NOC3L: variants seen among roughly 807,000 people sequenced by gnomAD.
NOC3L encodes NOC3 like DNA replication regulator, also known as nucleolar complex protein 3 homolog.
Under a neutral mutation model 102.5 loss-of-function variants are expected in NOC3L, and 85 were observed. That is an observed-to-expected ratio of 0.83 (90% CI 0.70 to 0.99). NOC3L has a LOEUF of 0.99. NOC3L is among the 50% of genes least tolerant of loss of function. The pLI is 0.00. For missense variants in NOC3L, 878 were observed against 914.9 expected, an observed-to-expected ratio of 0.96 and a Z score of 0.52; for synonymous variants, 303 against 309.4, an observed-to-expected ratio of 0.98 and a Z score of 0.22.
intron 5 of NOC3L, 30 bp from the exon 6 acceptor site, chr10:94,355,123 T>G: frequency 3.2e-6 from 5 of 1,578,094 alleles, no homozygotes; most frequent in Non-Finnish European, 4.3e-6. Flanking sequence ...CCCTTACATA[T>G]TCCTCTGCTT....
Position 94,362,938 on chromosome 10 carries a change from C to G in NOC3L, c.-100G>C, listed in dbSNP as rs566613102. On this transcript the variant is annotated 5_prime_UTR_variant, in exon 1 of 21. Transcript: ENST00000371361. ...CACACGTGCCGAAGTCCCTACACTA[C>G]CAGAGCCGGAAACGGCCTTCAGTCC... is the stretch of plus-strand genomic sequence containing the variant. 6 of 1,587,622 alleles carry G rather than the reference C, an allele frequency of 3.8e-6. No homozygotes were observed. Among genetic ancestry groups the G allele is most frequent in the Middle Eastern group, 1.7e-4 (1 of 5,990 alleles).
chr10:94,337,055 T>G (rs2133983580), intron 19 of NOC3L, among the ~76,000 whole-genome samples: 1 of 144,292 alleles, frequency 6.9e-6, no homozygotes, highest in African/African-American at 2.6e-5. Context: ...GACAACAGAG[T>G]GAGACTCCAT....
chr10:94,348,622 C>T (rs945840077), intron 10 of NOC3L, among the ~76,000 whole-genome samples: 1 of 151,928 alleles, frequency 6.6e-6, no homozygotes, highest in Non-Finnish European at 1.5e-5. Context: ...TATATATAAA[C>T]TTTTCACCTA....
At chr10:94,336,156 C>G (rs971364423) in intron 19 of NOC3L, among the ~76,000 whole-genome samples, 3 of 152,074 alleles carry the variant, frequency 2.0e-5, no homozygotes, top group African/African-American at 7.2e-5. Flanking sequence ...ATAGAAGAGG[C>G]TTCATGAAGT....
At chr10:94,353,362 G>A (rs545029325) in intron 6 of NOC3L, among the ~76,000 whole-genome samples, 5 of 152,320 alleles carry the variant, frequency 3.3e-5, no homozygotes, top group Admixed American at 2.6e-4. Context: ...CGGTGCCTGC[G>A]TCTACTCCTG....
intron 14 of NOC3L, among the ~76,000 whole-genome samples, chr10:94,341,117 G>A (rs923275324): frequency 6.6e-6 from 1 of 151,898 alleles, no homozygotes; most frequent in Admixed American, 6.6e-5. Flanking sequence ...AGGCTGCAGT[G>A]AGCTGTGATT....
At chr10:94,327,917 C>CAAAATGAAGAAA in the NOC3L span, 4 of 511,378 alleles carry the variant, frequency 7.8e-6, no homozygotes, top group Non-Finnish European at 1.6e-5. Context: ...GCAAGTGTTT[C>CAAAATGAAGAAA]TGTTTCTTCA....
intron 10 of NOC3L, among the ~76,000 whole-genome samples, chr10:94,347,010 A>T (rs1349439052): frequency 6.6e-6 from 1 of 152,196 alleles, no homozygotes; most frequent in Non-Finnish European, 1.5e-5. Context: ...GGACAAAAAT[A>T]AAAATTATTG....
Position 94,334,067 on chromosome 10 carries a change from C to A in NOC3L, c.*110G>T. ...ATTCTTCCTCTTCTTCCTAGACATT[C>A]TTAGGAAGCTTTCCTTGTATAAAAA... On this transcript the variant is annotated 3_prime_UTR_variant, in exon 21 of 21. Coordinates refer to ENST00000371361, the MANE Select transcript of NOC3L (RefSeq NM_022451.11). 1.6e-6 allele frequency: 1 copy of A among 620,322 alleles called. No homozygotes were observed. The highest frequency in any genetic ancestry group is 2.7e-5 in the Admixed American group (1 of 37,498). The allele number at this position is 620,322 out of a possible 1,614,324, so 38.4% of individuals were successfully genotyped here.
chr10:94,339,740 T>C lies in NOC3L; in HGVS notation c.1961A>G (p.His654Arg). 1 of 1,612,400 alleles carries C rather than the reference T, an allele frequency of 6.2e-7. No homozygotes were observed. Among genetic ancestry groups the C allele is most frequent in the Non-Finnish European group, 8.5e-7 (1 of 1,178,912 alleles). ...CTGTTCATTTGTATCACTACTTACA[T>C]GCATTAATATTCTGGTAGTTGCTAA... is the stretch of plus-strand genomic sequence containing the variant. ...GILATTRILMHTFPKTDLLLD... is the reference protein window; with the variant it reads ...GILATTRILMRTFPKTDLLLD... Residue 654 changes from histidine to arginine, a missense_variant and splice_region_variant, in exon 17 of 21, where the codon CAT (histidine) becomes CGT (arginine). Transcript: ENST00000371361.
chr10:94,340,219 T>C (rs2054266108), intron 16 of NOC3L, 57 bp downstream of exon 16: 2 of 1,416,696 alleles, frequency 1.4e-6, no homozygotes, highest in Non-Finnish European at 2.0e-6. Flanking sequence ...TGATGGGTCA[T>C]AACATATTCT....
Position 94,341,710 on chromosome 10 carries a change from T to C in NOC3L, c.1607A>G (p.Asp536Gly). 6.4e-7 allele frequency: 1 copy of C among 1,570,844 alleles called. No individual in the cohort carries two copies. Residue 536 changes from aspartate (D) to glycine (G), a missense_variant, in exon 14 of 21, where the codon GAT becomes GGT. Asp to Gly is a moderately conservative substitution (Grantham distance 94). Transcript: ENST00000371361. ...GAGAGTATGAAGAACTACTAACAGA[T>C]CATCAAAAAATTCCACATTTATAAG... is the stretch of plus-strand genomic sequence containing the variant. ...AHLINVEFFDDLLVVLHTLIE... is the reference protein window; with the variant it reads ...AHLINVEFFDGLLVVLHTLIE...
At position 94,336,594 on chromosome 10, in the gene NOC3L, C is replaced by T. The variant is rs922829424; in HGVS notation, c.2189+1183G>A. On this transcript the variant is annotated intron_variant, in intron 19 of 20. Coordinates refer to ENST00000371361, the MANE Select transcript of NOC3L (RefSeq NM_022451.11). ...AACTCCTGACCTCAGGTGATCCACC[C>T]GCATCGGCCTCCCAAAGTGCTGGGA... 2.6e-5 allele frequency among the ~76,000 whole-genome samples: 4 copies of T among 151,730 alleles called. No homozygotes were observed. In the South Asian group the frequency reaches 8.4e-4, roughly 32 times the overall value.
chr10:94,346,352 T>C (rs1256356764), intron 11 of NOC3L, 73 bp downstream of exon 11: 1 of 1,121,810 alleles, frequency 8.9e-7, no homozygotes, highest in African/African-American at 1.6e-5. Flanking sequence ...GATTTTTACA[T>C]GTGCCTATAA....
intron 7 of NOC3L, 73 bp from the exon 8 acceptor site, chr10:94,352,476 T>C: frequency 1.0e-6 from 1 of 973,124 alleles, no homozygotes; most frequent in Non-Finnish European, 1.6e-6. Context: ...ATAAAATATG[T>C]GTGTCTAGTA....
Position 94,358,152 on chromosome 10 carries a change from TCATC to T in NOC3L, c.277_280del (p.Asp93LysfsTer6), listed in dbSNP as rs1009184621. 2 of 1,611,782 alleles carry T rather than the reference TCATC, an allele frequency of 1.2e-6. No individual in the cohort carries two copies. The highest frequency in any genetic ancestry group is 1.3e-5 in the African/African-American group (1 of 75,010). ...ATCCTTCATTAACTGTAAGTCATCT[TCATC>T]CATCATATCTAAAGGAAGGGCTTCT... On this transcript the variant is annotated frameshift_variant, in exon 3 of 21. Coordinates refer to ENST00000371361, the MANE Select transcript of NOC3L (RefSeq NM_022451.11). LOFTEE classifies it high-confidence loss of function.
rs537085417 is a variant in NOC3L, at chr10:94,355,698, T to C, written c.566-605A>G. The stretch of plus-strand genomic sequence containing the variant: ...GCCAGTGCAACCAGCCTAGAGCTCA[T>C]ATTCTTAGCTTCTATGATAATAAGC... On this transcript the variant is annotated intron_variant, in intron 5 of 20. Transcript: ENST00000371361. 2.6e-5 allele frequency among the ~76,000 whole-genome samples: 4 copies of C among 152,296 alleles called. No homozygotes were observed. In the South Asian group the frequency reaches 6.2e-4, roughly 24 times the overall value.
At chr10:94,315,518 C>T in the NOC3L span, 19 of 455,712 alleles carry the variant, frequency 4.2e-5, no homozygotes, top group South Asian at 1.6e-4. Flanking sequence ...CCTGTAATCC[C>T]GGCACTTTGG....
Position 94,350,182 on chromosome 10 carries a change from T to C in NOC3L, c.1059A>G (p.Leu353=), listed in dbSNP as rs372835128. Residue 353 remains leucine, a synonymous_variant, in exon 9 of 21, where the codon CTA becomes CTG. Transcript: ENST00000371361. ...VKSLCELLVA[L]PHFNFHNNII... ...TGTTGTTGTGAAAGTTAAAATGAGG[T>C]AGTGCCACCAACAGCTCACACAAGC... 143 of 1,613,992 alleles carry C rather than the reference T, an allele frequency of 8.9e-5. No homozygotes were observed. Among genetic ancestry groups the C allele is most frequent in the Non-Finnish European group, 1.2e-4 (140 of 1,180,002 alleles).
Sources: allele counts gnomAD v4.1 joint callset (sites outside exome capture counted in the v4.1 genomes callset), GRCh38; gene constraint gnomAD v4.1.1; transcripts MANE v1.5; gene names NCBI Gene and HGNC (gene_info 2026-07-23, HGNC 2026-07-21).